ZFHX3: variants seen among roughly 807,000 people sequenced by gnomAD.
ZFHX3 encodes the protein zinc finger homeobox 3, also known as zinc finger homeobox protein 3.
Under a neutral mutation model 279.1 loss-of-function variants are expected in ZFHX3, and 42 were observed. The observed-to-expected ratio is 0.15, with a 90% CI of 0.12 to 0.19. The LOEUF (loss-of-function observed/expected upper bound fraction) is 0.19, where lower values mean the gene tolerates loss of function less well. ZFHX3 is among the 10% of genes least tolerant of loss of function. The pLI, the probability that ZFHX3 is intolerant of heterozygous loss-of-function variation, is 1.00. For missense variants in ZFHX3, 4,981 were observed against 4,754.0 expected (o/e 1.05, Z -1.40); for synonymous variants, 2,293 against 1,957.8 (o/e 1.17, Z -4.52).
intron 2 of ZFHX3, among the ~76,000 whole-genome samples, chr16:73,529,273 A>G (rs1330930107): frequency 2.0e-5 from 3 of 152,154 alleles, no homozygotes; most frequent in Admixed American, 1.3e-4. Flanking sequence ...TGGTCAAAGG[A>G]TTTGCTATTA....
intron 1 of ZFHX3, among the ~76,000 whole-genome samples, chr16:73,708,458 T>TG (rs1284446981): frequency 6.6e-6 from 1 of 152,164 alleles, no homozygotes; most frequent in Non-Finnish European, 1.5e-5. Flanking sequence ...AAATAATTAC[T>TG]GGGGGTAAAA....
intron 1 of ZFHX3, among the ~76,000 whole-genome samples, chr16:72,992,449 A>C (rs1012532521): frequency 2.2e-4 from 33 of 152,124 alleles, no homozygotes; most frequent in African/African-American, 7.7e-4. Context: ...TCTCCCTGTA[A>C]ACGGATCTAA....
chr16:73,712,224 T>A (rs1038271487), intron 1 of ZFHX3, among the ~76,000 whole-genome samples: 14 of 151,330 alleles, frequency 9.3e-5, no homozygotes, highest in African/African-American at 2.7e-4. Flanking sequence ...GCTGCAGTTT[T>A]AAAAAAAAAC....
chr16:72,831,905 C>T (rs2037069867), intron 4 of ZFHX3, among the ~76,000 whole-genome samples: 1 of 152,174 alleles, frequency 6.6e-6, no homozygotes, highest in Non-Finnish European at 1.5e-5. Flanking sequence ...TTATATCCTA[C>T]TGCCCAAGGT....
intron 5 of ZFHX3, among the ~76,000 whole-genome samples, chr16:73,176,549 G>A (rs963173581): frequency 6.6e-6 from 1 of 151,820 alleles, no homozygotes; most frequent in African/African-American, 2.4e-5. Flanking sequence ...TACCAAGATG[G>A]AAAATGCCCT....
At chr16:73,262,704 AGT>A (rs1374259621) in intron 4 of ZFHX3, among the ~76,000 whole-genome samples, 3 of 152,152 alleles carry the variant, frequency 2.0e-5, no homozygotes, top group Non-Finnish European at 4.4e-5. Flanking sequence ...CAAGAAAAAG[AGT>A]GTTTTTCTCT....
intron 2 of ZFHX3, among the ~76,000 whole-genome samples, chr16:73,600,041 C>T (rs997103970): frequency 1.1e-4 from 17 of 152,274 alleles, no homozygotes; most frequent in South Asian, 1.0e-3. Flanking sequence ...ACTTTGGATA[C>T]GGAGCATCTT....
At chr16:73,439,769 G>A (rs1473755981) in intron 3 of ZFHX3, among the ~76,000 whole-genome samples, 2 of 151,898 alleles carry the variant, frequency 1.3e-5, no homozygotes, top group East Asian at 3.9e-4. Flanking sequence ...CTTTACGGGT[G>A]CTCCTTGGAG....
chr16:72,790,512 T>C (rs2035654604), intron 9 of ZFHX3: 1 of 152,174 alleles, frequency 6.6e-6, no homozygotes, highest in Admixed American at 6.5e-5. Flanking sequence ...GCTATCATGG[T>C]AGTGTTCACC....
At chr16:73,721,799 C>T (rs574724204) in intron 1 of ZFHX3, among the ~76,000 whole-genome samples, 5 of 152,332 alleles carry the variant, frequency 3.3e-5, no homozygotes, top group Middle Eastern at 3.4e-3. Flanking sequence ...TATCCCAGCA[C>T]TTTGGGAGGC....
chr16:72,788,339 G>A lies in ZFHX3; in HGVS notation c.9937C>T (p.Pro3313Ser). 6.2e-7 allele frequency: 1 copy of A among 1,614,188 alleles called. No individual in the cohort carries two copies. The highest frequency in any genetic ancestry group is 8.5e-7 in the Non-Finnish European group (1 of 1,180,030). Residue 3313 changes from proline (P) to serine (S), a missense_variant, in exon 10 of 10, where the codon CCA (proline) becomes TCA (serine). This residue lies in a region of ZFHX3 where 1,034 missense variants were observed against 786.0 expected (regional missense o/e 1.32). Transcript: ENST00000268489. ...GGAGCATAATAAGGAGAAAAGCCTG[G>A]TACAAAGTAAGGAAGGAACTGGCTT... ...LTSQFLPYFV[P>S]GFSPYYAPQI...
chr16:72,974,163 A>G (rs926109271), intron 1 of ZFHX3, among the ~76,000 whole-genome samples: 14 of 152,214 alleles, frequency 9.2e-5, no homozygotes, highest in African/African-American at 3.1e-4. Context: ...AGCAGCCAGG[A>G]GCCTTAAGTT....
intron 1 of ZFHX3, among the ~76,000 whole-genome samples, chr16:73,692,182 G>A (rs1421848471): frequency 6.6e-6 from 1 of 152,046 alleles, no homozygotes; most frequent in Non-Finnish European, 1.5e-5. Flanking sequence ...ATTCTGTCCT[G>A]GACTTAGTGA....
At chr16:72,886,927 T>G (rs1211471688) in intron 4 of ZFHX3, among the ~76,000 whole-genome samples, 1 of 152,166 alleles carries the variant, frequency 6.6e-6, no homozygotes, top group Admixed American at 6.5e-5. Context: ...GCTCCACCAA[T>G]TAAGGTGTTT....
rs536193402 is a variant in ZFHX3 at position 73,475,478 on chromosome 16, A to G, written c.-1546-19220T>C. ...ATTTCTAATATTATTATATCATGGT[A>G]TTTGCCTAAAGGATGTATATTTTAA... On this transcript the variant is annotated intron_variant, in intron 2 of 17. Coordinates refer to the ZFHX3 transcript ENST00000641206. 5.3e-5 allele frequency among the ~76,000 whole-genome samples: 8 copies of G among 152,200 alleles called. No homozygotes were observed. In the South Asian group the frequency reaches 1.5e-3, roughly 28 times the overall value.
intron 1 of ZFHX3, among the ~76,000 whole-genome samples, chr16:73,043,105 C>T (rs1965174177): frequency 6.6e-6 from 1 of 152,106 alleles, no homozygotes; most frequent in African/African-American, 2.4e-5. Context: ...TTAGACCTGA[C>T]TCCAGGGAGG....
intron 2 of ZFHX3, chr16:73,500,185 T>C (rs1181243313): frequency 1.3e-5 from 2 of 152,318 alleles, no homozygotes; most frequent in East Asian, 1.9e-4. Context: ...GACAGCTCCA[T>C]GCGTGTTATT....
chr16:73,037,038 C>G (rs1285879857), intron 1 of ZFHX3, among the ~76,000 whole-genome samples: 2 of 151,984 alleles, frequency 1.3e-5, no homozygotes, highest in African/African-American at 2.4e-5. Context: ...AATAAAAGAC[C>G]CTCACCCCAC....
chr16:73,557,535 G>A (rs928723745), intron 2 of ZFHX3, among the ~76,000 whole-genome samples: 4 of 152,104 alleles, frequency 2.6e-5, no homozygotes, highest in Admixed American at 2.6e-4. Context: ...CTAAACAAGG[G>A]GTGGATTATT....
Sources: allele counts gnomAD v4.1 joint callset (sites outside exome capture counted in the v4.1 genomes callset), GRCh38; gene constraint gnomAD v4.1.1; regional missense constraint gnomAD v4.1.1; transcripts MANE v1.5; gene names NCBI Gene and HGNC (gene_info 2026-07-23, HGNC 2026-07-21).